Variants in PRDM2 observed in about 807,000 individuals in gnomAD.
The protein encoded by PRDM2 is PR domain zinc finger protein 2.
PRDM2 carries 30 observed loss-of-function variants against 130.0 expected under a neutral mutation model. The ratio of observed to expected loss-of-function variants is 0.23; its 90% CI spans 0.17 to 0.31. The LOEUF (loss-of-function observed/expected upper bound fraction) is 0.31. Among genes scored for constraint, PRDM2 ranks in the 10% least tolerant of loss-of-function variants. The pLI is 1.00. For missense variants in PRDM2, 2,011 were observed against 2,108.4 expected (o/e 0.95, Z 0.90); for synonymous variants, 871 against 782.4 (o/e 1.11, Z -1.89).
At chr1:13,802,778 C>A (rs1645028071) in intron 8 of PRDM2, among the ~76,000 whole-genome samples, 1 of 152,226 alleles carries the variant, frequency 6.6e-6, no homozygotes, top group Admixed American at 6.5e-5. Flanking sequence ...TCAGTCTTCA[C>A]ACACTTTGTG....
At chr1:13,736,207 C>G (rs1203150205) in intron 4 of PRDM2, among the ~76,000 whole-genome samples, 2 of 151,746 alleles carry the variant, frequency 1.3e-5, no homozygotes, top group Admixed American at 1.3e-4. Flanking sequence ...CTCCTGGGCC[C>G]AAGTGATCTT....
chr1:13,798,597 C>G (rs1644958665), intron 8 of PRDM2, among the ~76,000 whole-genome samples: 1 of 152,218 alleles, frequency 6.6e-6, no homozygotes, highest in African/African-American at 2.4e-5. Flanking sequence ...CGAGTCCTTA[C>G]AGGCTGTCTT....
rs912905314 is a variant in PRDM2 at position 13,701,688 on chromosome 1, C to T, written c.-66+1388C>T. ...TCATTTTTATTAAACCCCCTCATTT[C>T]GAGCTATGGAAACAAATCAAAATTC... On this transcript the variant is annotated intron_variant, in intron 1 of 9. Transcript: ENST00000311066. 3.6e-4 allele frequency among the ~76,000 whole-genome samples: 55 copies of T among 152,242 alleles called. 1 individual carries two copies. Among genetic ancestry groups the T allele is most frequent in the Admixed American group, 1.9e-3 (29 of 15,292 alleles).
intron 6 of PRDM2, chr1:13,772,220 T>C (rs1326553824): frequency 1.3e-5 from 2 of 152,140 alleles, no homozygotes; most frequent in Non-Finnish European, 2.9e-5. Context: ...ATCTGGTAAT[T>C]AAAAAATGTA....
intron 8 of PRDM2, among the ~76,000 whole-genome samples, chr1:13,790,359 G>A (rs1477042076): frequency 1.3e-5 from 2 of 152,170 alleles, no homozygotes; most frequent in African/African-American, 4.8e-5. Context: ...TGGCGGGGCC[G>A]TGCATCTGGC....
intron 2 of PRDM2, among the ~76,000 whole-genome samples, chr1:13,729,078 C>T (rs1402769968): frequency 1.3e-5 from 2 of 152,208 alleles, no homozygotes; most frequent in Admixed American, 1.3e-4. Context: ...TAAGCAATGT[C>T]TCTAAGCTCT....
chr1:13,779,762 C>T lies in PRDM2; in HGVS notation c.1967C>T (p.Ser656Phe). Residue 656 changes from serine (S) to phenylalanine (F), a missense_variant, in exon 8 of 10, where the codon TCT becomes TTT. Around this residue, in one of 5 missense-constraint regions of PRDM2, gnomAD observed 1,288 missense variants for 1,237.7 expected, o/e 1.04. Coordinates refer to ENST00000311066, the MANE Select transcript of PRDM2 (RefSeq NM_001393986.1). This position sits in a 1 kb window ranked among gnomAD's most constrained non-coding sequence, Gnocchi z 4.9. ...CCCAAAATTAAGGCCGAAACAGACT[C>T]TGACCCCATGGTCCCCTCTTGCTCT... ...ALPKIKAETD[S>F]DPMVPSCSLS... is the part of the protein sequence containing the mutation. 6.2e-7 allele frequency: 1 copy of T among 1,614,244 alleles called. No individual in the cohort carries two copies. The highest frequency in any genetic ancestry group is 2.2e-5 in the East Asian group (1 of 44,876).
At chr1:13,701,045 C>A (rs1482393520) in intron 1 of PRDM2, among the ~76,000 whole-genome samples, 1 of 152,178 alleles carries the variant, frequency 6.6e-6, no homozygotes, top group Non-Finnish European at 1.5e-5. Context: ...CGTGAGCCAC[C>A]GACCCTCCGG....
rs1644358008 is a variant in PRDM2 at position 13,771,455 on chromosome 1, G to T, written c.512-1623G>T. ...GCTGAAGAATTAGGTATGTAGGCCG[G>T]GCACGGTGGCTCATGCCTGTAATCC... is the stretch of plus-strand genomic sequence containing the variant. On this transcript the variant is annotated intron_variant, in intron 6 of 9. Transcript: ENST00000311066. The surrounding 1 kb of genome is among the most constrained non-coding windows in gnomAD (Gnocchi z 4.1). 6.6e-6 allele frequency among the ~76,000 whole-genome samples: 1 copy of T among 152,234 alleles called. No homozygotes were observed. Among genetic ancestry groups the T allele is most frequent in the African/African-American group, 2.4e-5 (1 of 41,458 alleles).
intron 6 of PRDM2, 138 bp downstream of exon 6, chr1:13,749,625 C>A (rs1270518588): frequency 7.3e-6 from 3 of 410,318 alleles, no homozygotes; most frequent in Non-Finnish European, 9.8e-6. Context: ...ATCTCGGTGA[C>A]CTTTTCCGGA....
chr1:13,759,681 G>A (rs561312100), intron 6 of PRDM2, among the ~76,000 whole-genome samples: 35 of 152,140 alleles, frequency 2.3e-4, no homozygotes, highest in Non-Finnish European at 3.8e-4. Flanking sequence ...ATCTTCTGTA[G>A]CAGGTTTACG....
chr1:13,751,929 C>T (rs1009448382), intron 6 of PRDM2, among the ~76,000 whole-genome samples: 2 of 151,978 alleles, frequency 1.3e-5, no homozygotes, highest in Non-Finnish European at 2.9e-5. Flanking sequence ...GTAGTGGCCC[C>T]TTCTCTCTCC....
Position 13,750,352 on chromosome 1 carries a change from T to G in PRDM2, c.511+865T>G, listed in dbSNP as rs558827738. On this transcript the variant is annotated intron_variant, in intron 6 of 9. Transcript: ENST00000311066. ...CCAAGGCACAGTATGGTTAGTTTCT[T>G]ATTGATACAAATACAGGTTTGTGTT... 6.6e-5 allele frequency among the ~76,000 whole-genome samples: 10 copies of G among 152,174 alleles called. No homozygotes were observed. The South Asian group carries it at 2.1e-3, about 32-fold the overall frequency.
chr1:13,760,034 G>T (rs1329270765), intron 6 of PRDM2, among the ~76,000 whole-genome samples: 1 of 152,110 alleles, frequency 6.6e-6, no homozygotes, highest in Non-Finnish European at 1.5e-5. Context: ...TCAAATTTGA[G>T]TGGTAAGCTT....
intron 8 of PRDM2, among the ~76,000 whole-genome samples, chr1:13,783,519 G>A (rs976800808): frequency 1.3e-5 from 2 of 152,170 alleles, no homozygotes; most frequent in African/African-American, 4.8e-5. Context: ...GATACCCAGG[G>A]CATGTCAGCC....
intron 9 of PRDM2, among the ~76,000 whole-genome samples, chr1:13,817,407 C>G (rs1430636961): frequency 6.6e-6 from 1 of 152,140 alleles, no homozygotes; most frequent in African/African-American, 2.4e-5. Context: ...TGGAATTACT[C>G]TAAGATTTCT....
At position 13,786,826 on chromosome 1, in the gene PRDM2, G is replaced by T. The variant is rs556847734; in HGVS notation, c.5036+3995G>T. ...CATGGGACTGGTACCTCAGATCTGAGCATGGCCCTTGTTTTTGGCACGTAG... is the reference window on the plus strand; with the variant it reads ...CATGGGACTGGTACCTCAGATCTGATCATGGCCCTTGTTTTTGGCACGTAG... On this transcript the variant is annotated intron_variant, in intron 8 of 9. Transcript: ENST00000311066. 30 of 1,175,328 alleles carry T rather than the reference G, an allele frequency of 2.6e-5. No individual in the cohort carries two copies. In the South Asian group the frequency reaches 6.9e-4, roughly 27 times the overall value. The allele number at this position is 1,175,328 out of a possible 1,614,324, so 72.8% of individuals were successfully genotyped here. A position where few individuals can be genotyped will look rare whatever the true frequency, so the allele number is the denominator to read the frequency against.
Position 13,727,286 on chromosome 1 carries a change from G to A in PRDM2, c.10-3714G>A, listed in dbSNP as rs186718477. Reference sequence around the variant, plus strand: ...ACTGTGTTCCTTTTTTTTTTGAGACGGTCTGTCAGCCAGGCTGGAGTGCAG... The same window carrying A: ...ACTGTGTTCCTTTTTTTTTTGAGACAGTCTGTCAGCCAGGCTGGAGTGCAG... On this transcript the variant is annotated intron_variant, in intron 2 of 9. Coordinates refer to ENST00000311066, the MANE Select transcript of PRDM2 (RefSeq NM_001393986.1). Among the ~76,000 whole-genome samples the A allele has an allele frequency of 2.6e-3, 388 of 151,534 alleles. 5 individuals carry two copies. The highest frequency in any genetic ancestry group is 2.1e-4 in the Non-Finnish European group (14 of 67,866).
At chr1:13,753,614 A>G (rs1465201449) in intron 6 of PRDM2, among the ~76,000 whole-genome samples, 1 of 152,256 alleles carries the variant, frequency 6.6e-6, no homozygotes, top group Non-Finnish European at 1.5e-5. Flanking sequence ...ACATGCAAAG[A>G]TAACTCAGTC....
Sources: allele counts gnomAD v4.1 joint callset (sites outside exome capture counted in the v4.1 genomes callset), GRCh38; gene constraint gnomAD v4.1.1; regional missense constraint gnomAD v4.1.1; non-coding constraint Gnocchi (gnomAD v3.1); transcripts MANE v1.5; gene names NCBI Gene and HGNC (gene_info 2026-07-23, HGNC 2026-07-21).